Variants in KIAA1549L observed in about 807,000 individuals in gnomAD.
KIAA1549L encodes KIAA1549 like.
Under a neutral mutation model 160.7 loss-of-function variants are expected in KIAA1549L, and 88 were observed. The ratio of observed to expected loss-of-function variants is 0.55; its 90% CI spans 0.46 to 0.65. The LOEUF is 0.65. Among genes scored for constraint, KIAA1549L ranks in the 30% least tolerant of loss-of-function variants. The pLI is 0.00. For missense variants in KIAA1549L, 2,258 were observed against 2,437.5 expected (o/e 0.93, Z 1.55); for synonymous variants, 950 against 976.7 (o/e 0.97, Z 0.51).
chr11:33,503,951 T>G (rs1293915058), intron 1 of KIAA1549L, among the ~76,000 whole-genome samples: 1 of 152,238 alleles, frequency 6.6e-6, no homozygotes, highest in African/African-American at 2.4e-5. Flanking sequence ...TCAAACTGCC[T>G]AAAGAATTGT....
intron 17 of KIAA1549L, among the ~76,000 whole-genome samples, chr11:33,649,056 C>T (rs573192554): frequency 7.4e-4 from 113 of 152,198 alleles, no homozygotes; most frequent in African/African-American, 2.7e-3. Flanking sequence ...AGAAACTTGC[C>T]CAAGTTTATG....
chr11:33,482,506 G>C (rs894752819), intron 1 of KIAA1549L, among the ~76,000 whole-genome samples: 1 of 151,404 alleles, frequency 6.6e-6, no homozygotes, highest in Admixed American at 6.6e-5. Context: ...AATTTTACTC[G>C]GTTCCTTTTG....
At chr11:33,594,895 A>T (rs1039487533) in intron 12 of KIAA1549L, among the ~76,000 whole-genome samples, 1 of 152,180 alleles carries the variant, frequency 6.6e-6, no homozygotes, top group Non-Finnish European at 1.5e-5. Context: ...TCTCATCATG[A>T]TCTTTGCCAA....
At position 33,542,916 on chromosome 11, in the gene KIAA1549L, A is replaced by C. The variant is rs1378462882; in HGVS notation, c.1353A>C (p.Ser451=). 6.2e-7 allele frequency: 1 copy of C among 1,614,062 alleles called. No homozygotes were observed. Residue 451 remains serine (S), a synonymous_variant, in exon 2 of 21, where the codon TCA becomes TCC. Transcript: ENST00000658780. ...ANDSANPLHL[S]AAPENSRGPA... ...ACTCTGCTAACCCGCTGCATTTGTC[A>C]GCAGCTCCAGAGAATTCCAGAGGGC...
At chr11:33,487,646 A>T (rs1226315112) in intron 1 of KIAA1549L, among the ~76,000 whole-genome samples, 3 of 152,024 alleles carry the variant, frequency 2.0e-5, no homozygotes, top group African/African-American at 7.2e-5. Context: ...GAACATTTTT[A>T]AAAAATACTT....
chr11:33,495,561 A>G (rs1051102098), intron 1 of KIAA1549L, among the ~76,000 whole-genome samples: 9 of 152,212 alleles, frequency 5.9e-5, no homozygotes, highest in African/African-American at 2.2e-4. Flanking sequence ...AGTCTTTGCT[A>G]TTGTGAATAA....
intron 1 of KIAA1549L, among the ~76,000 whole-genome samples, chr11:33,471,158 C>G (rs1852170027): frequency 6.6e-6 from 1 of 151,906 alleles, no homozygotes; most frequent in South Asian, 2.1e-4. Flanking sequence ...TTGAACACCA[C>G]TACCATTACT....
At chr11:33,525,942 G>A (rs1853600919) in intron 1 of KIAA1549L, among the ~76,000 whole-genome samples, 1 of 151,994 alleles carries the variant, frequency 6.6e-6, no homozygotes, top group Non-Finnish European at 1.5e-5. Flanking sequence ...CCGCACCGCT[G>A]CCTCCCCCAC....
intron 1 of KIAA1549L, among the ~76,000 whole-genome samples, chr11:33,516,997 G>A (rs1259802224): frequency 6.6e-6 from 1 of 152,206 alleles, no homozygotes; most frequent in Non-Finnish European, 1.5e-5. Flanking sequence ...ATTGAGTGAG[G>A]TCGCATCTTC....
intron 1 of KIAA1549L, among the ~76,000 whole-genome samples, chr11:33,414,705 G>A (rs1850854091): frequency 6.6e-6 from 1 of 152,200 alleles, no homozygotes; most frequent in Non-Finnish European, 1.5e-5. Flanking sequence ...TTTGGTAGTT[G>A]AAAAGGGTAT....
Position 33,672,973 on chromosome 11 carries a change from T to TA in KIAA1549L, c.*4820dup, listed in dbSNP as rs1408086835. On this transcript the variant is annotated 3_prime_UTR_variant, in exon 21 of 21. Transcript: ENST00000658780. ...AACAAAATTGGTTTCAAGTGAAACT[T>TA]ACATTATTTTTTGGCTGTGACCTTC... 1 of 153,420 alleles carries TA rather than the reference T, an allele frequency of 6.5e-6. No individual in the cohort carries two copies. Among genetic ancestry groups the TA allele is most frequent in the Non-Finnish European group, 1.5e-5 (1 of 68,044 alleles). 9.5% of individuals were successfully genotyped at this position (153,420 alleles called of 1,614,324 possible). A position where few individuals can be genotyped will look rare whatever the true frequency, so the allele number is the denominator to read the frequency against.
intron 7 of KIAA1549L, among the ~76,000 whole-genome samples, chr11:33,560,208 G>A (rs1854806358): frequency 1.3e-5 from 2 of 152,146 alleles, no homozygotes; most frequent in Admixed American, 1.3e-4. Context: ...CCTCAGACCT[G>A]CCCTATAAGA....
chr11:33,520,677 CA>C (rs1473247675), intron 1 of KIAA1549L, among the ~76,000 whole-genome samples: 1,247 of 124,378 alleles, frequency 0.01, 94 homozygotes, highest in African/African-American at 0.044. Flanking sequence ...ATACACCCCC[CA>C]CCCCCAACAC....
At chr11:33,410,116 AC>A (rs1228359878) in intron 1 of KIAA1549L, among the ~76,000 whole-genome samples, 1 of 152,006 alleles carries the variant, frequency 6.6e-6, no homozygotes, top group Non-Finnish European at 1.5e-5. Context: ...CATGGGAATC[AC>A]TGAGACCAAA....
At chr11:33,392,455 ACT>A (rs1453581988) in intron 1 of KIAA1549L, among the ~76,000 whole-genome samples, 4 of 151,914 alleles carry the variant, frequency 2.6e-5, no homozygotes, top group Non-Finnish European at 4.4e-5. Context: ...TTTGTTTATG[ACT>A]CTTTTTCTGA....
rs142543314 is a variant in KIAA1549L, at chr11:33,483,998, A to C, written c.239-57804A>C. Among the ~76,000 whole-genome samples the C allele has an allele frequency of 7.7e-3, 1,175 of 152,326 alleles. 19 individuals carry two copies. Among genetic ancestry groups the C allele is most frequent in the African/African-American group, 0.027 (1,110 of 41,568 alleles). The stretch of plus-strand genomic sequence containing the variant: ...GATCTTGGAAATAGTCTTCTTGGTC[A>C]GATACTATCCATGCTGTGAGGGATG... On this transcript the variant is annotated intron_variant, in intron 1 of 20. Coordinates refer to ENST00000658780, the MANE Select transcript of KIAA1549L (RefSeq NM_012194.3).
chr11:33,466,429 C>T (rs1057222890), intron 1 of KIAA1549L, among the ~76,000 whole-genome samples: 2 of 152,156 alleles, frequency 1.3e-5, no homozygotes, highest in African/African-American at 2.4e-5. Flanking sequence ...TACCGTCTCA[C>T]GCCAGTTAGA....
intron 16 of KIAA1549L, among the ~76,000 whole-genome samples, chr11:33,639,601 G>A (rs1245628811): frequency 6.6e-6 from 1 of 152,152 alleles, no homozygotes; most frequent in Non-Finnish European, 1.5e-5. Flanking sequence ...GTGCAGTGGT[G>A]TGATCTTGGT....
At chr11:33,470,613 G>GT (rs908197867) in intron 1 of KIAA1549L, among the ~76,000 whole-genome samples, 6 of 151,912 alleles carry the variant, frequency 3.9e-5, no homozygotes, top group Non-Finnish European at 8.8e-5. Context: ...GTGTGTGTTT[G>GT]TTTTTTGGTA....
Sources: gnomAD v4.1 joint callset for allele counts (sites outside exome capture counted in the v4.1 genomes callset) on GRCh38, gnomAD v4.1.1 for gene constraint, MANE v1.5 for transcripts, NCBI Gene and HGNC (gene_info 2026-07-23, HGNC 2026-07-21) for gene names.